The following SERINC2 variants were observed in gnomAD, a reference collection of about 807,000 sequenced individuals.
SERINC2 encodes the protein tumor differentially expressed protein 2.
Under a neutral mutation model 54.2 loss-of-function variants are expected in SERINC2, and 56 were observed. That is an observed-to-expected ratio of 1.03 (90% CI 0.83 to 1.29). The LOEUF (loss-of-function observed/expected upper bound fraction) is 1.29, where lower values mean the gene tolerates loss of function less well. Among genes scored for constraint, SERINC2 ranks in the 50% most tolerant of loss-of-function variants. The pLI is 0.00. For missense variants in SERINC2, 614 were observed against 607.4 expected, an observed-to-expected ratio of 1.01 and a Z score of -0.12; for synonymous variants, 272 against 253.1, an observed-to-expected ratio of 1.07 and a Z score of -0.71.
chr1:31,426,384 T>C (rs527738661), intron 5 of SERINC2, among the ~76,000 whole-genome samples: 1 of 152,336 alleles, frequency 6.6e-6, no homozygotes, highest in East Asian at 1.9e-4. Flanking sequence ...CAACAGCCTG[T>C]ACCTCGTTCA....
At chr1:31,418,437 C>T (rs1199111055) in intron 1 of SERINC2, among the ~76,000 whole-genome samples, 2 of 151,790 alleles carry the variant, frequency 1.3e-5, no homozygotes, top group African/African-American at 2.4e-5. Flanking sequence ...AGTGTATTGG[C>T]GCGATTCAGC....
Position 31,429,381 on chromosome 1 carries a change from G to A in SERINC2, c.872-16G>A. 1.2e-6 allele frequency: 2 copies of A among 1,603,634 alleles called. No individual in the cohort carries two copies. The highest frequency in any genetic ancestry group is 1.7e-6 in the Non-Finnish European group (2 of 1,174,402). On this transcript the variant is annotated splice_polypyrimidine_tract_variant and intron_variant, in intron 7 of 9. Transcript: ENST00000373709. The stretch of plus-strand genomic sequence containing the variant: ...TGGCCTGCATGGGCTGAGGGTGATT[G>A]TGCTCCCATCTCCAGAACAGAAATG...
chr1:31,423,404 C>G (rs1037041606), intron 1 of SERINC2, among the ~76,000 whole-genome samples: 1 of 152,040 alleles, frequency 6.6e-6, no homozygotes, highest in Non-Finnish European at 1.5e-5. Context: ...TTAAACTACT[C>G]TCCCTCCCTG....
At chr1:31,428,813 T>C (rs1156905848) in intron 6 of SERINC2, among the ~76,000 whole-genome samples, 165 bp from the exon 7 acceptor site, 1 of 149,268 alleles carries the variant, frequency 6.7e-6, no homozygotes, top group African/African-American at 2.5e-5. Flanking sequence ...CTTTGGTTAG[T>C]GAGGTGGGTG....
At chr1:31,410,121 G>T, upstream of SERINC2, 2 of 1,382,034 alleles carry the variant, frequency 1.4e-6, no homozygotes. Flanking sequence ...TGGAGAAGCT[G>T]AATCCTGAAT....
At chr1:31,427,405 G>C (rs975125934) in intron 6 of SERINC2, among the ~76,000 whole-genome samples, 1 of 152,186 alleles carries the variant, frequency 6.6e-6, no homozygotes, top group Admixed American at 6.5e-5. Context: ...GCAGCTTCAG[G>C]GGGCTTAGGT....
At chr1:31,421,479 A>G (rs1390610574) in intron 1 of SERINC2, among the ~76,000 whole-genome samples, 8 of 152,214 alleles carry the variant, frequency 5.3e-5, no homozygotes, top group African/African-American at 1.9e-4. Context: ...GGACTGTTTC[A>G]ATTTAGACCA....
chr1:31,431,229 A>G (rs981952429), intron 8 of SERINC2, among the ~76,000 whole-genome samples: 3 of 151,004 alleles, frequency 2.0e-5, no homozygotes, highest in South Asian at 4.2e-4. Flanking sequence ...GGCTCAAGTG[A>G]TCCTCCCACC....
upstream of SERINC2, among the ~76,000 whole-genome samples, chr1:31,410,871 A>G (rs1452687142): frequency 6.6e-6 from 1 of 152,136 alleles, no homozygotes; most frequent in African/African-American, 2.4e-5. Flanking sequence ...CTCTTAGAGC[A>G]GAAGTGTCCA....
chr1:31,416,599 G>A (rs1640786801), intron 1 of SERINC2, among the ~76,000 whole-genome samples: 1 of 152,266 alleles, frequency 6.6e-6, no homozygotes, highest in African/African-American at 2.4e-5. Context: ...GCGGCAAGGT[G>A]CATGCTTGCC....
upstream of SERINC2, among the ~76,000 whole-genome samples, chr1:31,411,455 C>T (rs778687466): frequency 2.2e-4 from 33 of 152,124 alleles, no homozygotes; most frequent in Non-Finnish European, 4.3e-4. Context: ...GGGAATTAAT[C>T]GACTTCTCAG....
intron 1 of SERINC2, among the ~76,000 whole-genome samples, chr1:31,415,334 G>T (rs1553132095): frequency 6.6e-6 from 1 of 152,156 alleles, no homozygotes. Flanking sequence ...TCCCCTTGGG[G>T]TTCTGGCCTC....
At chr1:31,426,581 C>G in intron 5 of SERINC2, 73 bp from the exon 6 acceptor site, 1 of 1,309,558 alleles carries the variant, frequency 7.6e-7, no homozygotes, top group Non-Finnish European at 1.1e-6. Flanking sequence ...CAACAGGGTC[C>G]CTCGAGGGAG....
intron 1 of SERINC2, chr1:31,414,298 A>G (rs1640721707): frequency 7.7e-7 from 1 of 1,300,310 alleles, no homozygotes; most frequent in African/African-American, 1.5e-5. Flanking sequence ...TCCCCTCATT[A>G]AATCTGAGGT....
chr1:31,410,420 C>A (rs782120644), upstream of SERINC2: 3 of 1,549,902 alleles, frequency 1.9e-6, no homozygotes, highest in Non-Finnish European at 2.6e-6. Context: ...AGGAGTCACC[C>A]GGACCCAGCC....
At chr1:31,429,931 C>A (rs933194646) in intron 8 of SERINC2, among the ~76,000 whole-genome samples, 3 of 152,036 alleles carry the variant, frequency 2.0e-5, no homozygotes, top group African/African-American at 7.2e-5. Flanking sequence ...ATGACAACCT[C>A]CACTGTAGTG....
At position 31,414,136 on chromosome 1, in the gene SERINC2, GCGCGGGGAGTGCC is replaced by G; in HGVS notation, c.39+835_39+847del. On this transcript the variant is annotated intron_variant, in intron 1 of 9. Transcript: ENST00000373709. ...CAGGAATCGAGGGAGGTTCGGGTGTGCGCGGGGAGTGCCCGGTCGCGGGTTCGGGACCTGTGGG... is the reference window on the plus strand; with the variant it reads ...CAGGAATCGAGGGAGGTTCGGGTGTGCGGTCGCGGGTTCGGGACCTGTGGG... 4 of 1,418,764 alleles carry G rather than the reference GCGCGGGGAGTGCC, an allele frequency of 2.8e-6. No individual in the cohort carries two copies. The South Asian group carries it at 5.9e-5, about 21-fold the overall frequency. The allele number at this position is 1,418,764 out of a possible 1,614,324, so 87.9% of individuals were successfully genotyped here. A position where few individuals can be genotyped will look rare whatever the true frequency, so the allele number is the denominator to read the frequency against.
chr1:31,431,886 CAGGGTGGAT>C (rs1557500161), intron 8 of SERINC2, among the ~76,000 whole-genome samples: 10 of 6,934 alleles, frequency 1.4e-3, no homozygotes, highest in Non-Finnish European at 2.0e-3. Flanking sequence ...ACAGGGTGGA[CAGGGTGGAT>C]AGGGTGGATA....
upstream of SERINC2, chr1:31,410,506 G>A: frequency 6.5e-7 from 1 of 1,537,910 alleles, no homozygotes; most frequent in Non-Finnish European, 8.7e-7. Context: ...CAGGAGGCCA[G>A]GACAGTGGCA....
Sources: gnomAD v4.1 joint callset for allele counts (sites outside exome capture counted in the v4.1 genomes callset) on GRCh38, gnomAD v4.1.1 for gene constraint, MANE v1.5 for transcripts, NCBI Gene and HGNC (gene_info 2026-07-23, HGNC 2026-07-21) for gene names.